Variants in CHST10 observed in about 807,000 individuals in gnomAD.
CHST10 encodes carbohydrate sulfotransferase 10.
A neutral mutation model predicts 34.7 loss-of-function variants in CHST10; 24 were observed. That is an observed-to-expected ratio of 0.69 (90% CI 0.50 to 0.97). The LOEUF (loss-of-function observed/expected upper bound fraction) is 0.97. Ranked by LOEUF, CHST10 falls within the 50% of genes least tolerant of loss-of-function variation. The pLI is 0.00. For missense variants in CHST10, 402 were observed against 452.1 expected, an observed-to-expected ratio of 0.89 and a Z score of 1.00; for synonymous variants, 161 against 169.3, an observed-to-expected ratio of 0.95 and a Z score of 0.38.
intron 2 of CHST10, among the ~76,000 whole-genome samples, chr2:100,412,331 C>T (rs72962195): frequency 0.017 from 2,651 of 152,266 alleles, 89 homozygotes; most frequent in African/African-American, 0.06. Flanking sequence ...TTGATGAATC[C>T]TAAAGAGTGG....
In CHST10 at chr2:100,406,153, C is replaced by T. The variant is rs552767025; in HGVS notation, c.100+423G>A. 2.0e-5 allele frequency among the ~76,000 whole-genome samples: 3 copies of T among 152,276 alleles called. No homozygotes were observed. In the East Asian group the frequency reaches 5.8e-4, roughly 29 times the overall value. On this transcript the variant is annotated intron_variant, in intron 3 of 6. Coordinates refer to ENST00000264249, the MANE Select transcript of CHST10 (RefSeq NM_004854.5). ...CCCTCCTCCGCTGCATGGAGGGTGA[C>T]CTTCAAACATGTGGCCACCACACGG...
At chr2:100,399,565 C>A (rs1177158223) in intron 4 of CHST10, among the ~76,000 whole-genome samples, 1 of 152,210 alleles carries the variant, frequency 6.6e-6, no homozygotes, top group African/African-American at 2.4e-5. Context: ...ACAACCTGTC[C>A]TCCCAGGGGA....
chr2:100,412,365 A>C (rs1675882164), intron 2 of CHST10, among the ~76,000 whole-genome samples: 1 of 152,122 alleles, frequency 6.6e-6, no homozygotes, highest in Non-Finnish European at 1.5e-5. Context: ...GCATGGTGTC[A>C]TTTGCTTCGG....
At chr2:100,411,405 C>A (rs1558646172) in intron 2 of CHST10, among the ~76,000 whole-genome samples, 1 of 152,146 alleles carries the variant, frequency 6.6e-6, no homozygotes, top group African/African-American at 2.4e-5. Flanking sequence ...AGCCACCACA[C>A]CCGGCCTAGT....
At position 100,402,599 on chromosome 2, in the gene CHST10, A is replaced by G. The variant is rs1466988108; in HGVS notation, c.157T>C (p.Leu53=). Residue 53 remains leucine (L), a synonymous_variant, in exon 4 of 7, where the codon TTG becomes CTG. Transcript: ENST00000264249. ...FLTTMPEVRK[L]PEEKHIPEEL... is the part of the protein sequence containing the mutation. ...TCAGGAATGTGCTTCTCTTCTGGCA[A>G]CTTCCTCACTTCCGGCATGGTTGTC... 1.2e-6 allele frequency: 2 copies of G among 1,613,940 alleles called. No individual in the cohort carries two copies. The highest frequency in any genetic ancestry group is 1.1e-5 in the South Asian group (1 of 91,068).
At position 100,393,276 on chromosome 2, in the gene CHST10, C is replaced by T. The variant is rs1460540019; in HGVS notation, c.1040G>A (p.Gly347Glu). The T allele has an allele frequency of 1.2e-6, 2 of 1,613,994 alleles. No homozygotes were observed. Among genetic ancestry groups the T allele is most frequent in the African/African-American group, 1.3e-5 (1 of 74,886 alleles). ...ARFEGDFKLF[G>E]YQKPDFLLN ...TAGCAAAAAGTCTGGTTTCTGGTACCCAAAGAGCTTAAAGTCCCCTTCGAA... is the reference window on the plus strand; with the variant it reads ...TAGCAAAAAGTCTGGTTTCTGGTACTCAAAGAGCTTAAAGTCCCCTTCGAA... Residue 347 changes from glycine (G) to glutamate (E), a missense_variant, in exon 7 of 7, where the codon GGG becomes GAG. By Grantham distance (98) the Gly-to-Glu change is moderately conservative (BLOSUM62 -2). Coordinates refer to ENST00000264249, the MANE Select transcript of CHST10 (RefSeq NM_004854.5).
chr2:100,397,845 C>G, intron 5 of CHST10, 63 bp downstream of exon 5: 2 of 1,367,462 alleles, frequency 1.5e-6, no homozygotes, highest in Non-Finnish European at 2.0e-6. Flanking sequence ...CTGTCCTCCC[C>G]AGCCTCCTCA....
intron 6 of CHST10, 51 bp from the exon 7 acceptor site, chr2:100,393,833 G>T: frequency 6.8e-7 from 1 of 1,466,434 alleles, no homozygotes; most frequent in Non-Finnish European, 9.4e-7. Flanking sequence ...GGAGGTCACA[G>T]CTGAGGGGGC....
At position 100,398,076 on chromosome 2, in the gene CHST10, G is replaced by C; in HGVS notation, c.259C>G (p.Leu87Val). The C allele has an allele frequency of 1.2e-6, 2 of 1,614,204 alleles. No homozygotes were observed. Among genetic ancestry groups the C allele is most frequent in the South Asian group, 1.1e-5 (1 of 91,084 alleles). ...QPLVYMERLELIRNVCRDDAL... is the reference protein window; with the variant it reads ...QPLVYMERLEVIRNVCRDDAL... ...TCATCCCTGCAGACGTTTCTGATGA[G>C]TTCCAGGCGCTCCATGTAGACCAGG... The change falls in exon 5 of 7, where the codon CTC (leucine) becomes GTC (valine). Residue 87 changes from leucine to valine, a missense_variant. Coordinates refer to ENST00000264249, the MANE Select transcript of CHST10 (RefSeq NM_004854.5).
At chr2:100,406,805 C>G in intron 2 of CHST10, 98 bp from the exon 3 acceptor site, 1 of 1,473,490 alleles carries the variant, frequency 6.8e-7, no homozygotes, top group Non-Finnish European at 9.1e-7. Context: ...TAAGTATCAG[C>G]ACAAATATTT....
chr2:100,395,587 G>A lies in CHST10; in HGVS notation c.455C>T (p.Pro152Leu). Residue 152 changes from proline to leucine, a missense_variant, in exon 6 of 7, where the codon CCC becomes CTC. By Grantham distance (98) the Pro-to-Leu change is moderately conservative (BLOSUM62 -3). Transcript: ENST00000264249. ...NGAFSSIEEI[P>L]ENVVHDHEKN... Reference sequence around the variant, plus strand: ...CTCGTGGTCGTGCACCACGTTTTCGGGGATCTCCTCAATGGAAGAAAATGC... The same window carrying A: ...CTCGTGGTCGTGCACCACGTTTTCGAGGATCTCCTCAATGGAAGAAAATGC... 1.9e-6 allele frequency: 3 copies of A among 1,614,048 alleles called. No individual in the cohort carries two copies. Among genetic ancestry groups the A allele is most frequent in the Non-Finnish European group, 2.5e-6 (3 of 1,179,930 alleles).
Position 100,406,708 on chromosome 2 carries a change from C to T in CHST10, c.-32-1G>A. 6.2e-7 allele frequency: 1 copy of T among 1,613,132 alleles called. No homozygotes were observed. Among genetic ancestry groups the T allele is most frequent in the Non-Finnish European group, 8.5e-7 (1 of 1,179,610 alleles). The stretch of plus-strand genomic sequence containing the variant: ...CACCGCAGCCATTCACTGACTCTTC[C>T]TGGAAAACACAAGCGAGATGCCCCT... On this transcript the variant is annotated splice_acceptor_variant, in intron 2 of 6. Transcript: ENST00000264249. LOFTEE classifies it low-confidence loss of function (5UTR_SPLICE).
At chr2:100,394,343 C>T (rs1019316907) in intron 6 of CHST10, among the ~76,000 whole-genome samples, 6 of 152,120 alleles carry the variant, frequency 3.9e-5, no homozygotes, top group Admixed American at 1.3e-4. Flanking sequence ...GGAGGAGGGC[C>T]GGCAGCAGTG....
In CHST10 at chr2:100,404,098, G is replaced by C. The variant is rs17024227; in HGVS notation, c.101-1443C>G. The stretch of plus-strand genomic sequence containing the variant: ...TCCTGCATCCAGAACTCAGCTGGCG[G>C]ATATCCACCTTCAGGATCCTAACCT... On this transcript the variant is annotated intron_variant, in intron 3 of 6. Transcript: ENST00000264249. Among the ~76,000 whole-genome samples the C allele has an allele frequency of 7.2e-3, 1,095 of 152,364 alleles. 15 individuals carry two copies. The highest frequency in any genetic ancestry group is 0.024 in the African/African-American group (1,007 of 41,594).
At chr2:100,395,409 G>C (rs1026960009) in intron 6 of CHST10, 100 bp downstream of exon 6, 3 of 1,021,702 alleles carry the variant, frequency 2.9e-6, no homozygotes, top group Admixed American at 4.0e-5. Flanking sequence ...GTGGTCCTCC[G>C]ATCAATCTGC....
In CHST10 at chr2:100,393,364, T is replaced by A; in HGVS notation, c.952A>T (p.Thr318Ser). The change falls in exon 7 of 7, where the codon ACC (threonine) becomes TCC (serine). Residue 318 changes from threonine (T) to serine (S), a missense_variant. Thr to Ser is a moderately conservative substitution (Grantham distance 58). Coordinates refer to ENST00000264249, the MANE Select transcript of CHST10 (RefSeq NM_004854.5). ...IPPGITVYNR[T>S]KVEHYFLGIS... ...CCCAGGAAATAGTGCTCCACCTTGG[T>A]TCTGTTATACACGGTAATGCCCGGA... is the stretch of plus-strand genomic sequence containing the variant. The A allele has an allele frequency of 1.9e-6, 3 of 1,614,182 alleles. No homozygotes were observed. The highest frequency in any genetic ancestry group is 1.7e-6 in the Non-Finnish European group (2 of 1,180,030).
intron 1 of CHST10, among the ~76,000 whole-genome samples, chr2:100,415,436 A>G (rs1676025284): frequency 6.6e-6 from 1 of 152,240 alleles, no homozygotes; most frequent in Admixed American, 6.5e-5. Context: ...TTCCTATACA[A>G]GATGATCAAT....
intron 3 of CHST10, among the ~76,000 whole-genome samples, chr2:100,405,642 C>T (rs2104364785): frequency 6.6e-6 from 1 of 152,344 alleles, no homozygotes; most frequent in East Asian, 1.9e-4. Flanking sequence ...CTAACTGCCC[C>T]TTTCCAAGGC....
At position 100,417,668 on chromosome 2, in the gene CHST10, T is replaced by G. The variant is rs1324137589; in HGVS notation, c.-398A>C. 2 of 150,464 alleles carry G rather than the reference T, an allele frequency of 1.3e-5. No individual in the cohort carries two copies. The highest frequency in any genetic ancestry group is 6.6e-5 in the Admixed American group (1 of 15,114). 9.3% of individuals were successfully genotyped at this position (150,464 alleles called of 1,614,324 possible). On this transcript the variant is annotated 5_prime_UTR_variant, in exon 1 of 7. Coordinates refer to ENST00000264249, the MANE Select transcript of CHST10 (RefSeq NM_004854.5). ...CGCCTATCCGGCCGTGCGCGCCGCC[T>G]GCCCGCGCGCGTCCCCGCCGCCGTC...
Sources: gnomAD v4.1 joint callset for allele counts (sites outside exome capture counted in the v4.1 genomes callset) on GRCh38, gnomAD v4.1.1 for gene constraint, MANE v1.5 for transcripts, NCBI Gene and HGNC (gene_info 2026-07-23, HGNC 2026-07-21) for gene names.